COL26A1: variants seen among roughly 807,000 people sequenced by gnomAD.
COL26A1 encodes the protein collagen alpha-1(XXVI) chain.
Under a neutral mutation model 59.3 loss-of-function variants are expected in COL26A1, and 41 were observed. The ratio of observed to expected loss-of-function variants is 0.69; its 90% CI spans 0.54 to 0.90. COL26A1 has a LOEUF of 0.90. COL26A1 is among the 40% of genes least tolerant of loss of function. The pLI, the probability that COL26A1 is intolerant of heterozygous loss-of-function variation, is 0.00. For synonymous variants in COL26A1, 266 were observed against 256.0 expected (o/e 1.04, Z -0.37); for missense variants, 612 against 602.3 (o/e 1.02, Z -0.17).
chr7:101,398,088 A>C (rs931473134), intron 1 of COL26A1, among the ~76,000 whole-genome samples: 2 of 152,206 alleles, frequency 1.3e-5, no homozygotes, highest in Non-Finnish European at 1.5e-5. Context: ...TTTGCTCTGC[A>C]TCATCTCTGT....
rs371774249 is a variant in COL26A1 at position 101,384,381 on chromosome 7, C to T, written c.158+21191C>T. Among the ~76,000 whole-genome samples, 309 of 152,160 alleles carry T rather than the reference C, an allele frequency of 2.0e-3. 2 individuals carry two copies. The highest frequency in any genetic ancestry group is 7.1e-3 in the African/African-American group (293 of 41,498). On this transcript the variant is annotated intron_variant, in intron 1 of 12. Transcript: ENST00000313669. Reference sequence around the variant, plus strand: ...CCTCCCGAGTAGCTGGGATTACAGGCTTCAGCCAGCTAAATTTTGTATTTT... The same window carrying T: ...CCTCCCGAGTAGCTGGGATTACAGGTTTCAGCCAGCTAAATTTTGTATTTT...
At chr7:101,436,482 G>A (rs1158859981) in intron 2 of COL26A1, among the ~76,000 whole-genome samples, 1 of 152,118 alleles carries the variant, frequency 6.6e-6, no homozygotes, top group Non-Finnish European at 1.5e-5. Context: ...AGGCTGAGAA[G>A]GGGTACGTGC....
chr7:101,462,079 A>G (rs1793628535), intron 3 of COL26A1, among the ~76,000 whole-genome samples: 1 of 147,522 alleles, frequency 6.8e-6, no homozygotes, highest in Non-Finnish European at 1.5e-5. Context: ...GGCTCACTGC[A>G]ACCTCTGCTT....
At chr7:101,364,012 G>A (rs1790979298) in intron 1 of COL26A1, among the ~76,000 whole-genome samples, 1 of 152,096 alleles carries the variant, frequency 6.6e-6, no homozygotes, top group Non-Finnish European at 1.5e-5. Context: ...CGTGGAACCG[G>A]CTGGGATCGG....
chr7:101,507,483 G>A (rs576783211), intron 3 of COL26A1, among the ~76,000 whole-genome samples: 5 of 151,482 alleles, frequency 3.3e-5, no homozygotes, highest in African/African-American at 9.7e-5. Flanking sequence ...GTGCAGTGGT[G>A]TGATCACAGT....
chr7:101,450,123 CAA>C (rs59531271), intron 3 of COL26A1, among the ~76,000 whole-genome samples: 14 of 99,884 alleles, frequency 1.4e-4, no homozygotes, highest in Non-Finnish European at 1.1e-4. Context: ...GACTCAGTCT[CAA>C]AAAAAAAAAA....
rs1216792922 is a variant in COL26A1, at chr7:101,384,240, T to TG, written c.158+21050_158+21051insG. Among the ~76,000 whole-genome samples the TG allele has an allele frequency of 1.5e-3, 230 of 149,382 alleles. 4 individuals carry two copies. The highest frequency in any genetic ancestry group is 5.5e-3 in the African/African-American group (224 of 40,372). ...ATATTGTTCAGGCTGGTTTTTTTTTTTTTTTTTTTTTTTTAAGACGGAGTC... is the reference window on the plus strand; with the variant it reads ...ATATTGTTCAGGCTGGTTTTTTTTTTGTTTTTTTTTTTTTTAAGACGGAGTC... On this transcript the variant is annotated intron_variant, in intron 1 of 12. Transcript: ENST00000313669.
chr7:101,387,766 A>ATTTTT (rs1443633156), intron 1 of COL26A1, among the ~76,000 whole-genome samples: 4 of 38,742 alleles, frequency 1.0e-4, no homozygotes, highest in East Asian at 1.3e-3. Flanking sequence ...ATATATATAT[A>ATTTTT]TATATATATA....
At chr7:101,436,490 T>G (rs900029524) in intron 2 of COL26A1, among the ~76,000 whole-genome samples, 11 of 151,898 alleles carry the variant, frequency 7.2e-5, no homozygotes, top group Non-Finnish European at 7.4e-5. Context: ...AAGGGGTACG[T>G]GCCCAGTGAG....
chr7:101,451,973 C>T (rs1269508046), intron 3 of COL26A1, among the ~76,000 whole-genome samples: 1 of 152,168 alleles, frequency 6.6e-6, no homozygotes, highest in African/African-American at 2.4e-5. Flanking sequence ...TCCCAAAGTG[C>T]TGGAATTGCA....
intron 3 of COL26A1, among the ~76,000 whole-genome samples, chr7:101,506,432 G>A (rs1477760215): frequency 6.6e-6 from 1 of 152,258 alleles, no homozygotes; most frequent in Non-Finnish European, 1.5e-5. Context: ...GAAAGAGCTG[G>A]TGGGGGCCTC....
intron 2 of COL26A1, among the ~76,000 whole-genome samples, chr7:101,429,659 C>T (rs1055534181): frequency 6.3e-5 from 8 of 126,790 alleles, no homozygotes; most frequent in Non-Finnish European, 7.8e-5. Context: ...GTGGTTCAAT[C>T]ATAGCTCACT....
rs1562976785 is a variant in COL26A1 at position 101,434,037 on chromosome 7, TTCCCTTCCCTCCCTCCCTCCC to T, written c.282-13641_282-13621del. ...ATTTTCCCATCTGGTGATTACTCCC[TTCCCTTCCCTCCCTCCCTCCC>T]TCCCTCCCTCCCTCCCTCCCTCCCT... On this transcript the variant is annotated intron_variant, in intron 2 of 12. Coordinates refer to ENST00000313669, the MANE Select transcript of COL26A1 (RefSeq NM_001278563.3). 2.6e-5 allele frequency among the ~76,000 whole-genome samples: 3 copies of T among 113,562 alleles called. 1 individual carries two copies. Among genetic ancestry groups the T allele is most frequent in the South Asian group, 6.2e-4 (2 of 3,230 alleles). The allele number at this position is 113,562 out of a possible 152,430, so 74.5% of individuals were successfully genotyped here. A position where few individuals can be genotyped will look rare whatever the true frequency, so the allele number is the denominator to read the frequency against.
intron 3 of COL26A1, among the ~76,000 whole-genome samples, chr7:101,470,027 T>C (rs1199457874): frequency 2.0e-5 from 3 of 151,756 alleles, no homozygotes; most frequent in South Asian, 2.1e-4. Flanking sequence ...AGTGCAGAAG[T>C]TGAATCAGCG....
chr7:101,453,432 A>G (rs935136063), intron 3 of COL26A1, among the ~76,000 whole-genome samples: 3 of 152,204 alleles, frequency 2.0e-5, no homozygotes, highest in Non-Finnish European at 2.9e-5. Flanking sequence ...AAATGTCGTT[A>G]TGTGGCATGT....
intron 3 of COL26A1, among the ~76,000 whole-genome samples, chr7:101,475,770 TTCTTTCTTTC>T (rs1794019368): frequency 1.1e-5 from 1 of 89,908 alleles, no homozygotes; most frequent in African/African-American, 9.3e-5. Context: ...TTCTTTCTCT[TTCTTTCTTTC>T]TTTCTTTCCT....
At chr7:101,521,322 A>G (rs1795137236) in intron 3 of COL26A1, among the ~76,000 whole-genome samples, 2 of 152,174 alleles carry the variant, frequency 1.3e-5, no homozygotes, top group South Asian at 2.1e-4. Context: ...ATATTACCCT[A>G]TCTCAGGTAT....
intron 5 of COL26A1, among the ~76,000 whole-genome samples, chr7:101,543,236 T>G (rs994087398): frequency 6.6e-5 from 10 of 151,938 alleles, no homozygotes; most frequent in Admixed American, 2.6e-4. Context: ...GTGGTGTGAT[T>G]ATAGCTCACT....
At chr7:101,388,429 C>T (rs112900613) in intron 1 of COL26A1, among the ~76,000 whole-genome samples, 17,319 of 151,642 alleles carry the variant, frequency 0.11, 1,101 homozygotes, top group Non-Finnish European at 0.15. Flanking sequence ...GCCGAGATCG[C>T]GCCATTACAC....
Sources: gnomAD v4.1 joint callset for allele counts (sites outside exome capture counted in the v4.1 genomes callset) on GRCh38, gnomAD v4.1.1 for gene constraint, MANE v1.5 for transcripts, NCBI Gene and HGNC (gene_info 2026-07-23, HGNC 2026-07-21) for gene names.